The following PTPRT variants were observed in gnomAD, a reference collection of about 807,000 sequenced individuals.
The protein encoded by PTPRT is protein tyrosine phosphatase receptor type T.
Under a neutral mutation model 176.8 loss-of-function variants are expected in PTPRT, and 56 were observed. That is an observed-to-expected ratio of 0.32 (90% confidence interval 0.26 to 0.40). PTPRT has a LOEUF of 0.40. Among genes scored for constraint, PTPRT ranks in the 10% least tolerant of loss-of-function variants. The pLI, the probability that PTPRT is intolerant of heterozygous loss-of-function variation, is 1.00. For synonymous variants in PTPRT, 783 were observed against 739.0 expected (o/e 1.06, Z -0.96); for missense variants, 1,540 against 1,908.2 (o/e 0.81, Z 3.60).
chr20:42,113,972 G>A (rs1271920813), intron 22 of PTPRT, among the ~76,000 whole-genome samples: 1 of 152,188 alleles, frequency 6.6e-6, no homozygotes. Flanking sequence ...AGGCCACTCT[G>A]TATGCTGGAA....
intron 16 of PTPRT, among the ~76,000 whole-genome samples, chr20:42,168,722 T>C (rs762930658): frequency 5.9e-5 from 9 of 152,234 alleles, no homozygotes; most frequent in East Asian, 1.9e-4. Context: ...TTACATTTCC[T>C]TGTTGAAGCA....
chr20:42,597,025 A>G (rs1466816240), intron 7 of PTPRT, among the ~76,000 whole-genome samples: 1 of 152,194 alleles, frequency 6.6e-6, no homozygotes, highest in Non-Finnish European at 1.5e-5. Context: ...GTCCAGGCAG[A>G]ACTTAACTGG....
intron 9 of PTPRT, among the ~76,000 whole-genome samples, chr20:42,358,048 A>G (rs543119866): frequency 8.0e-4 from 121 of 152,164 alleles, no homozygotes; most frequent in African/African-American, 2.7e-3. Context: ...AGCCTAGAAG[A>G]AAAAAGAAGA....
At chr20:42,316,094 G>T in intron 11 of PTPRT, 98 bp from the exon 12 acceptor site, 2 of 1,363,282 alleles carry the variant, frequency 1.5e-6, no homozygotes, top group Non-Finnish European at 2.0e-6. Flanking sequence ...CTATGTGGAA[G>T]CATTGGTTCG....
intron 1 of PTPRT, among the ~76,000 whole-genome samples, chr20:43,024,156 G>A (rs1340871254): frequency 6.6e-6 from 1 of 152,192 alleles, no homozygotes. Flanking sequence ...ATATGGGCAA[G>A]CTACTCAACC....
At chr20:42,549,519 C>CAATGTGATTGAATGTGATTG (rs997057663) in intron 7 of PTPRT, among the ~76,000 whole-genome samples, 1 of 152,000 alleles carries the variant, frequency 6.6e-6, no homozygotes, top group Non-Finnish European at 1.5e-5. Flanking sequence ...CTTTGTGTAC[C>CAATGTGATTGAATGTGATTG]AATGTGATTG....
At chr20:42,402,095 G>A (rs940336681) in intron 9 of PTPRT, among the ~76,000 whole-genome samples, 13 of 152,150 alleles carry the variant, frequency 8.5e-5, no homozygotes, top group African/African-American at 2.9e-4. Flanking sequence ...AAGGAGGGGA[G>A]CAGAGAATAG....
chr20:42,990,444 GA>G (rs1983843245), intron 1 of PTPRT, among the ~76,000 whole-genome samples: 1 of 151,946 alleles, frequency 6.6e-6, no homozygotes, highest in Non-Finnish European at 1.5e-5. Context: ...TTCGAAGGGA[GA>G]AAAAAATGTT....
At chr20:42,990,876 T>C (rs1983872453) in intron 1 of PTPRT, among the ~76,000 whole-genome samples, 1 of 152,228 alleles carries the variant, frequency 6.6e-6, no homozygotes. Flanking sequence ...TAGCAGATAT[T>C]GTTTCATAAC....
intron 6 of PTPRT, among the ~76,000 whole-genome samples, chr20:42,691,686 C>T (rs1453394321): frequency 6.6e-6 from 1 of 152,202 alleles, no homozygotes; most frequent in Non-Finnish European, 1.5e-5. Flanking sequence ...TGAAGAGAGA[C>T]TTAGCACAGC....
At chr20:42,616,719 T>G (rs1830029964) in intron 7 of PTPRT, among the ~76,000 whole-genome samples, 1 of 115,938 alleles carries the variant, frequency 8.6e-6, no homozygotes, top group East Asian at 2.2e-4. Flanking sequence ...GGGAGTTCAC[T>G]CATGATTTGG....
At chr20:42,521,189 C>A (rs1347702400) in intron 7 of PTPRT, among the ~76,000 whole-genome samples, 1 of 152,066 alleles carries the variant, frequency 6.6e-6, no homozygotes, top group Non-Finnish European at 1.5e-5. Context: ...AAATTTCATT[C>A]ATGCTTTACC....
chr20:42,766,040 C>G (rs1244790283), intron 5 of PTPRT, among the ~76,000 whole-genome samples: 1 of 152,162 alleles, frequency 6.6e-6, no homozygotes, highest in East Asian at 1.9e-4. Context: ...GCCTAATTAT[C>G]TTGCAGAAAA....
chr20:43,106,104 C>A lies in PTPRT; in HGVS notation c.88+83542G>T, dbSNP rs573473013. Reference sequence around the variant, plus strand: ...AAACAAAAGATGAGGCAACAACCAACTGCAGCAGACTGGTGCAGTAGGAAC... The same window carrying A: ...AAACAAAAGATGAGGCAACAACCAAATGCAGCAGACTGGTGCAGTAGGAAC... On this transcript the variant is annotated intron_variant, in intron 1 of 30. Transcript: ENST00000373187. Among the ~76,000 whole-genome samples the A allele has an allele frequency of 3.9e-5, 6 of 152,270 alleles. No homozygotes were observed. The East Asian group carries it at 7.8e-4, about 20-fold the overall frequency.
intron 6 of PTPRT, among the ~76,000 whole-genome samples, chr20:42,728,425 G>A (rs1325839370): frequency 6.6e-6 from 1 of 152,130 alleles, no homozygotes; most frequent in African/African-American, 2.4e-5. Context: ...AGGGGGGAGA[G>A]GTAAGGACTT....
At chr20:42,836,361 G>C (rs1313798554) in intron 2 of PTPRT, among the ~76,000 whole-genome samples, 1 of 152,172 alleles carries the variant, frequency 6.6e-6, no homozygotes, top group African/African-American at 2.4e-5. Context: ...TGAGACTTCA[G>C]TGCCACCACC....
chr20:43,122,175 G>T (rs2013284880), intron 1 of PTPRT, among the ~76,000 whole-genome samples: 1 of 152,202 alleles, frequency 6.6e-6, no homozygotes, highest in Admixed American at 6.5e-5. Context: ...TTCCCAGGAT[G>T]CCAGCCCAGG....
At chr20:43,050,052 G>A (rs1453151126) in intron 1 of PTPRT, among the ~76,000 whole-genome samples, 1 of 152,248 alleles carries the variant, frequency 6.6e-6, no homozygotes, top group Non-Finnish European at 1.5e-5. Context: ...GGAAGTGGAG[G>A]CTGTCAGTGG....
intron 7 of PTPRT, among the ~76,000 whole-genome samples, chr20:42,527,916 AT>A (rs2072307433): frequency 6.6e-6 from 1 of 152,244 alleles, no homozygotes; most frequent in Non-Finnish European, 1.5e-5. Flanking sequence ...TAAGGAAAAA[AT>A]AAATTCCAAG....
Sources: gnomAD v4.1 joint callset for allele counts (sites outside exome capture counted in the v4.1 genomes callset) on GRCh38, gnomAD v4.1.1 for gene constraint, MANE v1.5 for transcripts, NCBI Gene and HGNC (gene_info 2026-07-23, HGNC 2026-07-21) for gene names.